LY86: variants seen among roughly 807,000 people sequenced by gnomAD.
LY86 encodes the protein lymphocyte antigen 86.
A neutral mutation model predicts 17.3 loss-of-function variants in LY86; 20 were observed. The ratio of observed to expected loss-of-function variants is 1.15; its 90% CI spans 0.81 to 1.68. The LOEUF (loss-of-function observed/expected upper bound fraction) is 1.68, where lower values mean the gene tolerates loss of function less well. LY86 is among the 40% of genes most tolerant of loss of function. LY86 has a pLI of 0.00. For missense variants in LY86, 200 were observed against 191.9 expected (o/e 1.04, Z -0.25); for synonymous variants, 74 against 70.6 (o/e 1.05, Z -0.24).
intron 3 of LY86, among the ~76,000 whole-genome samples, chr6:6,639,458 A>G (rs1416883451): frequency 6.6e-6 from 1 of 152,214 alleles, no homozygotes; most frequent in Non-Finnish European, 1.5e-5. Flanking sequence ...AACACCATCA[A>G]TTGATTCTCT....
chr6:6,653,807 A>G (rs1219049862), intron 4 of LY86, among the ~76,000 whole-genome samples: 1 of 152,116 alleles, frequency 6.6e-6, no homozygotes, highest in African/African-American at 2.4e-5. Flanking sequence ...GCGTTTCCTC[A>G]GCGGATCCTA....
rs907255860 is a variant in LY86 at position 6,594,313 on chromosome 6, A to G, written c.136+5443A>G. Among the ~76,000 whole-genome samples, 8 of 152,330 alleles carry G rather than the reference A, an allele frequency of 5.3e-5. No homozygotes were observed. In the South Asian group the frequency reaches 1.2e-3, roughly 24 times the overall value. ...GGCCTGTGAGCTAGGGATGATCTTT[A>G]TATTTTTAATGTTAAAGAATTCAAA... On this transcript the variant is annotated intron_variant, in intron 1 of 4. Coordinates refer to ENST00000230568, the MANE Select transcript of LY86 (RefSeq NM_004271.4).
intron 4 of LY86, among the ~76,000 whole-genome samples, chr6:6,653,100 A>C (rs1338525937): frequency 2.0e-5 from 3 of 152,324 alleles, no homozygotes; most frequent in African/African-American, 7.2e-5. Context: ...ATATTTGAGG[A>C]GTGTGACTCA....
rs1391366197 is a variant in LY86 at position 6,649,571 on chromosome 6, A to C, written c.353-54A>C. 5.4e-6 allele frequency: 6 copies of C among 1,114,504 alleles called. No homozygotes were observed. The African/African-American group carries it at 6.3e-5, about 12-fold the overall frequency. The allele number at this position is 1,114,504 out of a possible 1,614,324, so 69.0% of individuals were successfully genotyped here. A position where few individuals can be genotyped will look rare whatever the true frequency, so the allele number is the denominator to read the frequency against. ...GTGTAACCACAAATCATGTGAATGA[A>C]TCATTTTTTTAAATGATTGAATAAC... On this transcript the variant is annotated intron_variant, in intron 3 of 4. Coordinates refer to ENST00000230568, the MANE Select transcript of LY86 (RefSeq NM_004271.4).
chr6:6,635,130 G>A (rs9502483), intron 3 of LY86, among the ~76,000 whole-genome samples: 25,849 of 152,128 alleles, frequency 0.17, 2,548 homozygotes, highest in East Asian at 0.26. Context: ...CATTGATTTA[G>A]GCTATAACAG....
chr6:6,614,585 GT>G (rs945413889), intron 1 of LY86, among the ~76,000 whole-genome samples: 19 of 152,050 alleles, frequency 1.2e-4, no homozygotes, highest in African/African-American at 4.6e-4. Context: ...CACATTGGGA[GT>G]TTTTTGCAGG....
intron 3 of LY86, among the ~76,000 whole-genome samples, chr6:6,644,552 A>T (rs923875089): frequency 6.6e-5 from 10 of 151,990 alleles, no homozygotes; most frequent in Non-Finnish European, 1.5e-4. Context: ...TATCAAGTTG[A>T]TGTCACCCAA....
intron 1 of LY86, among the ~76,000 whole-genome samples, chr6:6,592,442 C>A (rs1760558937): frequency 6.6e-6 from 1 of 152,146 alleles, no homozygotes; most frequent in Non-Finnish European, 1.5e-5. Context: ...ATGCTGCCTC[C>A]AGCATATACA....
intron 1 of LY86, among the ~76,000 whole-genome samples, chr6:6,594,231 A>G (rs1456495224): frequency 6.6e-6 from 1 of 152,226 alleles, no homozygotes; most frequent in Non-Finnish European, 1.5e-5. Context: ...TGTGTAAGGC[A>G]GACACTTGCG....
intron 1 of LY86, among the ~76,000 whole-genome samples, chr6:6,611,069 C>T (rs923020870): frequency 1.2e-4 from 18 of 152,230 alleles, no homozygotes; most frequent in Admixed American, 9.8e-4. Context: ...AAGATCTGGC[C>T]GTGTCTGAGC....
chr6:6,635,059 T>G (rs140466874), intron 3 of LY86, among the ~76,000 whole-genome samples: 115 of 152,350 alleles, frequency 7.5e-4, no homozygotes, highest in African/African-American at 2.7e-3. Flanking sequence ...ATGGGCTTCA[T>G]GATTCAGTTG....
At chr6:6,626,583 A>C (rs2113142035) in intron 3 of LY86, among the ~76,000 whole-genome samples, 162 bp downstream of exon 3, 1 of 152,304 alleles carries the variant, frequency 6.6e-6, no homozygotes, top group Middle Eastern at 3.4e-3. Flanking sequence ...AAATAACAAT[A>C]AGGCCCATTC....
intron 1 of LY86, among the ~76,000 whole-genome samples, chr6:6,595,289 GGAAGAAGAGGA>G (rs1760664865): frequency 6.8e-6 from 1 of 148,052 alleles, no homozygotes; most frequent in Non-Finnish European, 1.5e-5. Context: ...GAAGAGGTGG[GGAAGAAGAGGA>G]GAAGGAGGAG....
At position 6,626,425 on chromosome 6, in the gene LY86, A is replaced by C. The variant is rs748389334; in HGVS notation, c.352+4A>C. On this transcript the variant is annotated splice_donor_region_variant and intron_variant, in intron 3 of 4. Transcript: ENST00000230568. ...TTCTGTGGAAGAAGGAAAGGAGGTA[A>C]GCCATCTGTCTTGCTCACTGCTGGC... 1.3e-4 allele frequency: 203 copies of C among 1,613,426 alleles called. No individual in the cohort carries two copies. Among genetic ancestry groups the C allele is most frequent in the Non-Finnish European group, 1.7e-4 (200 of 1,179,928 alleles).
At chr6:6,612,547 G>T (rs183339280) in intron 1 of LY86, among the ~76,000 whole-genome samples, 3 of 152,122 alleles carry the variant, frequency 2.0e-5, no homozygotes, top group Non-Finnish European at 4.4e-5. Flanking sequence ...CAAAAGCAAC[G>T]AAACAACCAG....
intron 1 of LY86, among the ~76,000 whole-genome samples, chr6:6,623,481 G>A (rs922792299): frequency 2.0e-5 from 3 of 152,130 alleles, no homozygotes; most frequent in African/African-American, 7.2e-5. Flanking sequence ...TCCCTTCTTC[G>A]ACTCCAGCCT....
At chr6:6,643,976 A>T (rs1762075961) in intron 3 of LY86, among the ~76,000 whole-genome samples, 1 of 152,258 alleles carries the variant, frequency 6.6e-6, no homozygotes, top group African/African-American at 2.4e-5. Flanking sequence ...GATTTTTTAA[A>T]CAAAAATATT....
intron 3 of LY86, among the ~76,000 whole-genome samples, chr6:6,641,648 T>C (rs1267585708): frequency 6.6e-6 from 1 of 152,234 alleles, no homozygotes; most frequent in Non-Finnish European, 1.5e-5. Flanking sequence ...AACTAGGTGG[T>C]TCCATCACAA....
intron 1 of LY86, among the ~76,000 whole-genome samples, chr6:6,595,235 G>A (rs188183068): frequency 6.6e-6 from 1 of 150,736 alleles, no homozygotes. Flanking sequence ...GGAGTAGGAG[G>A]AGGGAAGAGA....
Sources: gnomAD v4.1 joint callset for allele counts (sites outside exome capture counted in the v4.1 genomes callset) on GRCh38, gnomAD v4.1.1 for gene constraint, MANE v1.5 for transcripts, NCBI Gene and HGNC (gene_info 2026-07-23, HGNC 2026-07-21) for gene names.